Variants in PPM1L observed in about 807,000 individuals in gnomAD.
The protein encoded by PPM1L is protein phosphatase 1L.
A neutral mutation model predicts 31.4 loss-of-function variants in PPM1L; 13 were observed. The observed-to-expected ratio is 0.41, with a 90% CI of 0.27 to 0.66. The LOEUF is 0.66. PPM1L is among the 30% of genes least tolerant of loss of function. PPM1L has a pLI of 0.29. For missense variants in PPM1L, 326 were observed against 453.7 expected (o/e 0.72, Z 2.56); for synonymous variants, 184 against 175.4 (o/e 1.05, Z -0.39).
At chr3:160,977,197 G>T (rs1333275068) in intron 2 of PPM1L, among the ~76,000 whole-genome samples, 8 of 152,166 alleles carry the variant, frequency 5.3e-5, no homozygotes, top group Non-Finnish European at 1.0e-4. Flanking sequence ...TTTGTCTCAA[G>T]GCTGTGTGGC....
intron 1 of PPM1L, among the ~76,000 whole-genome samples, chr3:160,884,144 T>C (rs1293453603): frequency 6.6e-6 from 1 of 152,100 alleles, no homozygotes; most frequent in Non-Finnish European, 1.5e-5. Context: ...TACCATTTAA[T>C]TGGGACATGA....
At chr3:160,893,444 A>AT (rs1008805607) in intron 1 of PPM1L, among the ~76,000 whole-genome samples, 2 of 152,186 alleles carry the variant, frequency 1.3e-5, no homozygotes, top group Non-Finnish European at 2.9e-5. Flanking sequence ...CATAAACCAA[A>AT]TAGCATTTCC....
rs1201283409 is a variant in PPM1L, at chr3:160,877,207, A to AAAT, written c.400-84519_400-84517dup. On this transcript the variant is annotated intron_variant, in intron 1 of 3. Transcript: ENST00000498165. Reference sequence around the variant, plus strand: ...ATATCTTCAAACTCAGTTCTGTAAGAAATAATAATAATCAAAAATCTTTTT... The same window carrying AAAT: ...ATATCTTCAAACTCAGTTCTGTAAGAAATAATAATAATAATCAAAAATCTTTTT... Among the ~76,000 whole-genome samples, 3 of 152,224 alleles carry AAAT rather than the reference A, an allele frequency of 2.0e-5. No individual in the cohort carries two copies. The East Asian group carries it at 5.8e-4, about 29-fold the overall frequency.
chr3:160,789,687 G>A (rs1170071221), intron 1 of PPM1L, among the ~76,000 whole-genome samples: 2 of 151,710 alleles, frequency 1.3e-5, no homozygotes, highest in South Asian at 4.2e-4. Context: ...TATCAAATAT[G>A]TTTTCAAATT....
intron 2 of PPM1L, among the ~76,000 whole-genome samples, chr3:161,012,823 C>A (rs1184583081): frequency 6.6e-6 from 1 of 152,146 alleles, no homozygotes; most frequent in Non-Finnish European, 1.5e-5. Context: ...TTTATATATT[C>A]TCTGATGGTA....
At position 160,989,153 on chromosome 3, in the gene PPM1L, C is replaced by T. The variant is rs955405160; in HGVS notation, c.574+27243C>T. On this transcript the variant is annotated intron_variant, in intron 2 of 3. Transcript: ENST00000498165. The stretch of plus-strand genomic sequence containing the variant: ...TTCAGTGCTTCATGCTAAAGCCCTG[C>T]GTTTCCTATTAATATTTCTTAATCT... Among the ~76,000 whole-genome samples, 11 of 152,112 alleles carry T rather than the reference C, an allele frequency of 7.2e-5. No individual in the cohort carries two copies. In the East Asian group the frequency reaches 7.7e-4, roughly 11 times the overall value.
In PPM1L at chr3:161,071,823, G is replaced by C. The variant is rs1401975634; in HGVS notation, c.*2666G>C. On this transcript the variant is annotated 3_prime_UTR_variant, in exon 4 of 4. Transcript: ENST00000498165. ...TGCTCCCCAGGGACCTGGGAATGCT[G>C]AATCTAGCCATTAGGGAAATTGATT... The C allele has an allele frequency of 2.0e-5, 3 of 152,198 alleles. No homozygotes were observed. The highest frequency in any genetic ancestry group is 4.4e-5 in the Non-Finnish European group (3 of 68,044). 9.4% of individuals were successfully genotyped at this position (152,198 alleles called of 1,614,324 possible).
chr3:160,845,806 A>G (rs995713088), intron 1 of PPM1L, among the ~76,000 whole-genome samples: 3 of 151,946 alleles, frequency 2.0e-5, no homozygotes, highest in African/African-American at 7.2e-5. Flanking sequence ...TCATTTGTTG[A>G]ATGTAAGCTA....
At chr3:160,986,139 A>C in intron 2 of PPM1L, among the ~76,000 whole-genome samples, 1 of 152,240 alleles carries the variant, frequency 6.6e-6, no homozygotes, top group Admixed American at 6.5e-5. Flanking sequence ...GTGAGAGTTC[A>C]GGCTGTCGAA....
intron 2 of PPM1L, among the ~76,000 whole-genome samples, chr3:160,970,851 G>C (rs1486088078): frequency 3.6e-5 from 5 of 137,726 alleles, no homozygotes; most frequent in African/African-American, 5.5e-5. Flanking sequence ...GTGCAGTGGC[G>C]CAATCTCGGC....
intron 1 of PPM1L, among the ~76,000 whole-genome samples, chr3:160,843,467 T>TATA (rs1257591655): frequency 7.4e-6 from 1 of 135,896 alleles, no homozygotes; most frequent in Non-Finnish European, 1.6e-5. Flanking sequence ...TATATATATA[T>TATA]ATGTTTTTTT....
At chr3:160,886,525 GC>G (rs1293321774) in intron 1 of PPM1L, among the ~76,000 whole-genome samples, 1 of 152,128 alleles carries the variant, frequency 6.6e-6, no homozygotes. Context: ...CTGTTCTGCA[GC>G]CTTTTTGAGT....
chr3:161,033,548 A>G (rs1485751082), intron 2 of PPM1L, among the ~76,000 whole-genome samples: 2 of 152,318 alleles, frequency 1.3e-5, no homozygotes, highest in South Asian at 2.1e-4. Context: ...CACATCTACA[A>G]CTATCTGATC....
chr3:161,037,216 A>G (rs1559932778), intron 2 of PPM1L, among the ~76,000 whole-genome samples: 2 of 152,180 alleles, frequency 1.3e-5, no homozygotes, highest in Non-Finnish European at 2.9e-5. Flanking sequence ...AGACTGGGTT[A>G]TATAAAGACT....
At chr3:160,891,033 C>T (rs555988776) in intron 1 of PPM1L, among the ~76,000 whole-genome samples, 6 of 152,220 alleles carry the variant, frequency 3.9e-5, no homozygotes, top group South Asian at 2.1e-4. Flanking sequence ...TAGAAGAAAA[C>T]GTAGGCAGTA....
At chr3:160,914,354 A>G (rs1714082027) in intron 1 of PPM1L, among the ~76,000 whole-genome samples, 1 of 151,950 alleles carries the variant, frequency 6.6e-6, no homozygotes, top group Non-Finnish European at 1.5e-5. Flanking sequence ...TTAGTTACAT[A>G]TGTATACATG....
intron 1 of PPM1L, among the ~76,000 whole-genome samples, chr3:160,906,694 A>T (rs1185136100): frequency 6.6e-6 from 1 of 152,176 alleles, no homozygotes; most frequent in Non-Finnish European, 1.5e-5. Context: ...TACAGTCAGG[A>T]TGGTGGCTAT....
intron 1 of PPM1L, among the ~76,000 whole-genome samples, chr3:160,787,365 G>C (rs543916079): frequency 1.3e-5 from 2 of 152,236 alleles, no homozygotes; most frequent in African/African-American, 2.4e-5. Context: ...GTGATGTTGA[G>C]CACTTTTTGT....
chr3:160,897,244 T>C (rs1284032926), intron 1 of PPM1L, among the ~76,000 whole-genome samples: 1 of 152,134 alleles, frequency 6.6e-6, no homozygotes, highest in Non-Finnish European at 1.5e-5. Context: ...GGTTTCACCA[T>C]GTTGGCCAGG....
Sources: gnomAD v4.1 joint callset for allele counts (sites outside exome capture counted in the v4.1 genomes callset) on GRCh38, gnomAD v4.1.1 for gene constraint, MANE v1.5 for transcripts, NCBI Gene and HGNC (gene_info 2026-07-23, HGNC 2026-07-21) for gene names.